Variants in SDK1 observed in about 807,000 individuals in gnomAD.
The protein encoded by SDK1 is sidekick cell adhesion molecule 1.
In SDK1, 157 loss-of-function variants were observed where a neutral mutation model predicts 245.5. The observed-to-expected ratio is 0.64, with a 90% CI of 0.56 to 0.73. The LOEUF (loss-of-function observed/expected upper bound fraction) is 0.73. SDK1 is among the 30% of genes least tolerant of loss of function. The pLI is 0.00. For missense variants in SDK1, 3,583 were observed against 3,002.3 expected (o/e 1.19, Z -4.52); for synonymous variants, 1,647 against 1,278.5 (o/e 1.29, Z -6.15).
At chr7:3,745,656 T>C (rs1342636126) in intron 4 of SDK1, among the ~76,000 whole-genome samples, 3 of 152,220 alleles carry the variant, frequency 2.0e-5, no homozygotes, top group African/African-American at 7.2e-5. Context: ...AGGAACTCCC[T>C]CGAGCGACCC....
intron 1 of SDK1, among the ~76,000 whole-genome samples, chr7:3,370,380 T>A (rs944753316): frequency 2.6e-5 from 4 of 152,222 alleles, no homozygotes; most frequent in African/African-American, 9.7e-5. Flanking sequence ...TCAGTTGTTC[T>A]TTATAAGTCT....
chr7:4,131,795 T>C (rs1009443762), intron 27 of SDK1, among the ~76,000 whole-genome samples: 1 of 151,900 alleles, frequency 6.6e-6, no homozygotes, highest in African/African-American at 2.4e-5. Context: ...TTATCTAGGA[T>C]GATGCAGGAG....
intron 35 of SDK1, among the ~76,000 whole-genome samples, chr7:4,181,874 G>T (rs1782621843): frequency 6.6e-6 from 1 of 152,196 alleles, no homozygotes. Context: ...GCCCTGTGCA[G>T]CCCCTCCAGT....
chr7:3,656,153 G>A (rs1000671401), intron 4 of SDK1, among the ~76,000 whole-genome samples: 3 of 152,076 alleles, frequency 2.0e-5, no homozygotes, highest in African/African-American at 7.2e-5. Context: ...TGAATTTTCA[G>A]CCCTTGGTTG....
chr7:3,638,505 A>G (rs961971248), intron 2 of SDK1, among the ~76,000 whole-genome samples: 1 of 151,716 alleles, frequency 6.6e-6, no homozygotes, highest in Admixed American at 6.6e-5. Context: ...GAAGCTGGAA[A>G]CCATCATTCT....
intron 1 of SDK1, among the ~76,000 whole-genome samples, chr7:3,334,596 C>A (rs1780152061): frequency 6.6e-6 from 1 of 152,078 alleles, no homozygotes; most frequent in Admixed American, 6.6e-5. Flanking sequence ...CCCACGACAG[C>A]CTCGCCCAGC....
At chr7:3,456,894 G>T (rs1000645150) in intron 1 of SDK1, among the ~76,000 whole-genome samples, 6 of 152,158 alleles carry the variant, frequency 3.9e-5, no homozygotes, top group African/African-American at 1.4e-4. Context: ...CTGCTTTTGT[G>T]GGTGGTTCCA....
At chr7:3,989,036 T>G (rs1784086965) in intron 14 of SDK1, among the ~76,000 whole-genome samples, 1 of 152,252 alleles carries the variant, frequency 6.6e-6, no homozygotes, top group African/African-American at 2.4e-5. Flanking sequence ...ATTACAGGCA[T>G]GAGCCACCGC....
chr7:3,464,981 T>G (rs142995191), intron 1 of SDK1, among the ~76,000 whole-genome samples: 21 of 152,308 alleles, frequency 1.4e-4, no homozygotes, highest in African/African-American at 4.6e-4. Flanking sequence ...TTCGTGCTGC[T>G]AAGGCTAACA....
At chr7:3,923,247 G>A (rs1779655478) in intron 5 of SDK1, among the ~76,000 whole-genome samples, 1 of 151,532 alleles carries the variant, frequency 6.6e-6, no homozygotes, top group South Asian at 2.1e-4. Flanking sequence ...ATTTCTTTAT[G>A]TTCTTTAAAT....
chr7:3,784,591 C>G (rs1780844012), intron 4 of SDK1, among the ~76,000 whole-genome samples: 5 of 152,082 alleles, frequency 3.3e-5, no homozygotes, highest in Admixed American at 3.3e-4. Context: ...ATACAAATGG[C>G]TGACAGATAC....
At chr7:3,698,410 G>C (rs925050923) in intron 4 of SDK1, among the ~76,000 whole-genome samples, 1 of 152,162 alleles carries the variant, frequency 6.6e-6, no homozygotes, top group African/African-American at 2.4e-5. Context: ...GGTGCTGTCA[G>C]GGTGTCCCTT....
At chr7:4,237,819 A>T in intron 42 of SDK1, 35 bp downstream of exon 42, 2 of 1,612,124 alleles carry the variant, frequency 1.2e-6, no homozygotes, top group Non-Finnish European at 1.7e-6. Flanking sequence ...GTGTCCCACG[A>T]TGCCACTCAG....
intron 4 of SDK1, chr7:3,643,934 C>T (rs1039940927): frequency 1.3e-5 from 2 of 149,476 alleles, no homozygotes; most frequent in African/African-American, 2.5e-5. Flanking sequence ...AGACAGAGTC[C>T]CTCTGTCACC....
intron 1 of SDK1, among the ~76,000 whole-genome samples, chr7:3,611,208 T>G (rs1451039252): frequency 1.3e-5 from 2 of 152,116 alleles, no homozygotes; most frequent in Admixed American, 1.3e-4. Flanking sequence ...AGTCTACCAC[T>G]GGGAAGTATT....
Position 4,067,868 on chromosome 7 carries a change from C to T in SDK1, c.2942C>T (p.Thr981Ile), listed in dbSNP as rs1327731277. The change falls in exon 20 of 45, where the codon ACA becomes ATA. Residue 981 changes from threonine (T) to isoleucine (I), a missense_variant. By Grantham distance (89) the Thr-to-Ile change is moderately conservative. Transcript: ENST00000404826. Reference sequence around the variant, plus strand: ...GGAGCTGTGGGACATCTGAGTTTCACAGAGATCTTGGACACATCTCTCAAG... The same window carrying T: ...GGAGCTGTGGGACATCTGAGTTTCATAGAGATCTTGGACACATCTCTCAAG... ...KPGAVGHLSF[T>I]EILDTSLKVS... The T allele has an allele frequency of 6.2e-7, 1 of 1,613,260 alleles. No homozygotes were observed. Among genetic ancestry groups the T allele is most frequent in the Non-Finnish European group, 8.5e-7 (1 of 1,179,706 alleles).
chr7:3,997,283 G>A (rs1301480288), intron 14 of SDK1, among the ~76,000 whole-genome samples: 1 of 152,194 alleles, frequency 6.6e-6, no homozygotes, highest in Admixed American at 6.5e-5. Context: ...TGAGGAAGAT[G>A]AAGAGGAGCT....
chr7:4,012,211 G>A lies in SDK1; in HGVS notation c.2396G>A (p.Gly799Glu). 1 of 1,546,336 alleles carries A rather than the reference G, an allele frequency of 6.5e-7. No individual in the cohort carries two copies. The highest frequency in any genetic ancestry group is 8.7e-7 in the Non-Finnish European group (1 of 1,148,328). The change falls in exon 16 of 45, where the codon GGG becomes GAG. Residue 799 changes from glycine (G) to glutamate (E), a missense_variant. Gly to Glu is a moderately conservative substitution (Grantham distance 98, BLOSUM62 -2). Transcript: ENST00000404826. ...WQPPPETEHN[G>E]VLRGYILRYR... Reference sequence around the variant, plus strand: ...CCACCCCCAGAAACAGAGCACAACGGGGTGTTGCGTGGATACATCCTCAGG... The same window carrying A: ...CCACCCCCAGAAACAGAGCACAACGAGGTGTTGCGTGGATACATCCTCAGG...
At chr7:4,010,907 T>C in intron 14 of SDK1, 59 bp from the exon 15 acceptor site, 1 of 1,571,490 alleles carries the variant, frequency 6.4e-7, no homozygotes. Flanking sequence ...TGCATTCACC[T>C]CTTATTATTC....
Sources: allele counts gnomAD v4.1 joint callset (sites outside exome capture counted in the v4.1 genomes callset), GRCh38; gene constraint gnomAD v4.1.1; transcripts MANE v1.5; gene names NCBI Gene and HGNC (gene_info 2026-07-23, HGNC 2026-07-21).